SPATA6: variants seen among roughly 807,000 people sequenced by gnomAD.
SPATA6 encodes the protein spermatogenesis associated 6.
SPATA6 carries 56 observed loss-of-function variants against 65.3 expected under a neutral mutation model. The ratio of observed to expected loss-of-function variants is 0.86; its 90% confidence interval spans 0.69 to 1.07. The LOEUF is 1.07. SPATA6 is among the 50% of genes least tolerant of loss of function. SPATA6 has a pLI of 0.00. For missense variants in SPATA6, 590 were observed against 594.8 expected (o/e 0.99, Z 0.08); for synonymous variants, 199 against 213.2 (o/e 0.93, Z 0.58).
At chr1:48,332,540 A>C (rs1645945357) in intron 11 of SPATA6, among the ~76,000 whole-genome samples, 1 of 152,168 alleles carries the variant, frequency 6.6e-6, no homozygotes, top group African/African-American at 2.4e-5. Context: ...ACCTAAATTA[A>C]TGTGTACCCA....
intron 11 of SPATA6, among the ~76,000 whole-genome samples, chr1:48,342,746 G>T (rs1388594205): frequency 6.6e-6 from 1 of 152,116 alleles, no homozygotes; most frequent in Non-Finnish European, 1.5e-5. Flanking sequence ...GACAATTCTA[G>T]GGTGCTAGTA....
chr1:48,355,517 T>C (rs1041624542), intron 11 of SPATA6, 153 bp downstream of exon 11: 4 of 551,184 alleles, frequency 7.3e-6, no homozygotes, highest in Admixed American at 6.7e-5. Context: ...TTTAGATATG[T>C]TGCCTTGGGC....
At chr1:48,276,330 T>TC in the SPATA6 span, among the ~76,000 whole-genome samples, 1 of 152,200 alleles carries the variant, frequency 6.6e-6, no homozygotes, top group Admixed American at 6.5e-5. Flanking sequence ...TTCATGTCTC[T>TC]TTCTCATTCA....
the SPATA6 span, among the ~76,000 whole-genome samples, chr1:48,289,509 G>A: frequency 2.5e-4 from 38 of 152,278 alleles, no homozygotes; most frequent in Non-Finnish European, 5.1e-4. Flanking sequence ...ACTTTGACAA[G>A]TTGAGAGAAG....
At chr1:48,355,453 A>C (rs1234666211) in intron 11 of SPATA6, 1 of 404,788 alleles carries the variant, frequency 2.5e-6, no homozygotes, top group Non-Finnish European at 4.5e-6. Context: ...CATTGTTTAT[A>C]GTTAAGATGG....
At chr1:48,404,632 T>C (rs1381065024) in intron 5 of SPATA6, among the ~76,000 whole-genome samples, 1 of 152,090 alleles carries the variant, frequency 6.6e-6, no homozygotes, top group African/African-American at 2.4e-5. Flanking sequence ...CATGAGCCAC[T>C]GGGTCTGGCC....
chr1:48,339,416 G>C (rs939345601), intron 11 of SPATA6, among the ~76,000 whole-genome samples: 1 of 151,846 alleles, frequency 6.6e-6, no homozygotes, highest in African/African-American at 2.4e-5. Context: ...CAATGTTATT[G>C]GTAAGTGAGA....
At chr1:48,385,179 CAAT>C in intron 9 of SPATA6, 127 bp downstream of exon 9, 1 of 798,282 alleles carries the variant, frequency 1.3e-6, no homozygotes, top group Admixed American at 3.9e-5. Context: ...CATTATATGA[CAAT>C]TATTGTTTTT....
At position 48,399,650 on chromosome 1, in the gene SPATA6, C is replaced by T; in HGVS notation, c.487-6G>A. On this transcript the variant is annotated splice_region_variant and splice_polypyrimidine_tract_variant and intron_variant, in intron 6 of 12. Coordinates refer to ENST00000371847, the MANE Select transcript of SPATA6 (RefSeq NM_019073.4). ...AAATGGTAAATAAATTTATCCTAAA[C>T]ATAAAAAATAAAAATTAACTTGGTC... The T allele has an allele frequency of 6.4e-7, 1 of 1,551,998 alleles. No individual in the cohort carries two copies. The highest frequency in any genetic ancestry group is 8.7e-7 in the Non-Finnish European group (1 of 1,152,548).
Position 48,298,605 on chromosome 1 carries a change from T to C in SPATA6, c.*108A>G, listed in dbSNP as rs1196155750. The C allele has an allele frequency of 4.8e-6, 5 of 1,044,676 alleles. No homozygotes were observed. The highest frequency in any genetic ancestry group is 2.4e-4 in the Middle Eastern group (1 of 4,200). The allele number at this position is 1,044,676 out of a possible 1,614,324, so 64.7% of individuals were successfully genotyped here. On this transcript the variant is annotated 3_prime_UTR_variant, in exon 13 of 13. Coordinates refer to ENST00000371847, the MANE Select transcript of SPATA6 (RefSeq NM_019073.4). ...CTTATTCAAGTATAACTATTGTACT[T>C]AGTTATAATCCCATTTTTTTTAAAA...
chr1:48,470,777 G>A (rs1347460512), intron 1 of SPATA6, among the ~76,000 whole-genome samples: 2 of 152,100 alleles, frequency 1.3e-5, no homozygotes, highest in Non-Finnish European at 2.9e-5. Context: ...GTACAGGAAG[G>A]AAATGCAGAG....
intron 11 of SPATA6, among the ~76,000 whole-genome samples, chr1:48,333,423 T>A (rs1164538671): frequency 6.6e-6 from 1 of 152,198 alleles, no homozygotes; most frequent in Non-Finnish European, 1.5e-5. Flanking sequence ...AATGAGCCAC[T>A]ACTGGCTTCC....
intron 11 of SPATA6, among the ~76,000 whole-genome samples, chr1:48,340,715 C>A (rs1019857500): frequency 6.6e-6 from 1 of 151,762 alleles, no homozygotes; most frequent in Non-Finnish European, 1.5e-5. Context: ...TAAATGATTA[C>A]AGTAAGTAAA....
At chr1:48,441,537 G>C (rs61774387) in intron 3 of SPATA6, among the ~76,000 whole-genome samples, 9 of 149,762 alleles carry the variant, frequency 6.0e-5, no homozygotes, top group South Asian at 2.1e-4. Context: ...TTACCCATTT[G>C]TTGTCCCCTG....
At chr1:48,336,393 C>T (rs1646060680) in intron 11 of SPATA6, among the ~76,000 whole-genome samples, 1 of 151,988 alleles carries the variant, frequency 6.6e-6, no homozygotes, top group Non-Finnish European at 1.5e-5. Flanking sequence ...TGCCCATCAA[C>T]AGTAGACTGG....
At chr1:48,436,638 G>C (rs1351950144) in intron 3 of SPATA6, 5 of 1,614,028 alleles carry the variant, frequency 3.1e-6, no homozygotes, top group Non-Finnish European at 4.2e-6. Context: ...ATTTCCCACA[G>C]TTCAGCACAT....
intron 7 of SPATA6, among the ~76,000 whole-genome samples, chr1:48,397,640 CTG>C (rs1650733337): frequency 1.3e-5 from 2 of 151,630 alleles, no homozygotes; most frequent in South Asian, 4.1e-4. Context: ...TAAGTTAAAA[CTG>C]TGTTTGGTTA....
chr1:48,334,395 G>A (rs890364429), intron 11 of SPATA6, among the ~76,000 whole-genome samples: 7 of 151,852 alleles, frequency 4.6e-5, no homozygotes, highest in Non-Finnish European at 8.8e-5. Flanking sequence ...CCAAATACTA[G>A]CAAACTGAAT....
intron 9 of SPATA6, among the ~76,000 whole-genome samples, chr1:48,370,799 C>T (rs561794459): frequency 1.3e-5 from 2 of 152,264 alleles, no homozygotes; most frequent in African/African-American, 4.8e-5. Flanking sequence ...TATGAGGGAT[C>T]TATGGCAGAA....
Sources: allele counts gnomAD v4.1 joint callset (sites outside exome capture counted in the v4.1 genomes callset), GRCh38; gene constraint gnomAD v4.1.1; transcripts MANE v1.5; gene names NCBI Gene and HGNC (gene_info 2026-07-23, HGNC 2026-07-21).